SYNPR: variants seen among roughly 807,000 people sequenced by gnomAD.
SYNPR encodes synaptoporin.
SYNPR carries 23 observed loss-of-function variants against 32.9 expected under a neutral mutation model. That is an observed-to-expected ratio of 0.70 (90% CI 0.50 to 0.99). The LOEUF (loss-of-function observed/expected upper bound fraction) is 0.99. Among genes scored for constraint, SYNPR ranks in the 50% least tolerant of loss-of-function variants. The pLI is 0.00. For missense variants in SYNPR, 318 were observed against 349.3 expected, an observed-to-expected ratio of 0.91 and a Z score of 0.71; for synonymous variants, 146 against 135.9, an observed-to-expected ratio of 1.07 and a Z score of -0.52.
At chr3:63,438,660 C>A (rs77804929) in intron 2 of SYNPR, among the ~76,000 whole-genome samples, 2,485 of 152,304 alleles carry the variant, frequency 0.016, 59 homozygotes, top group African/African-American at 0.056. Flanking sequence ...CTAGAAAGTT[C>A]TGCTCTGATT....
intron 2 of SYNPR, among the ~76,000 whole-genome samples, chr3:63,317,411 G>A (rs932739947): frequency 3.3e-5 from 5 of 151,820 alleles, no homozygotes; most frequent in African/African-American, 7.3e-5. Flanking sequence ...AAAGTTGGGA[G>A]CTCCAGTGTT....
chr3:63,534,440 T>G (rs186709552), intron 3 of SYNPR, among the ~76,000 whole-genome samples: 16 of 152,288 alleles, frequency 1.1e-4, no homozygotes, highest in African/African-American at 3.8e-4. Flanking sequence ...AATTAACACA[T>G]AAAAGTCACA....
intron 2 of SYNPR, among the ~76,000 whole-genome samples, chr3:63,413,572 G>C (rs968996585): frequency 3.3e-5 from 5 of 152,152 alleles, no homozygotes; most frequent in Admixed American, 1.3e-4. Flanking sequence ...CAAAAATCAA[G>C]AAAAGACCCT....
intron 3 of SYNPR, among the ~76,000 whole-genome samples, chr3:63,494,450 C>CGTGT (rs1559516379): frequency 3.5e-5 from 3 of 86,804 alleles, no homozygotes; most frequent in African/African-American, 1.5e-4. Flanking sequence ...TATATATACA[C>CGTGT]ATATATATAC....
chr3:63,518,986 A>C (rs540440196), intron 3 of SYNPR, among the ~76,000 whole-genome samples: 1 of 152,216 alleles, frequency 6.6e-6, no homozygotes, highest in Admixed American at 6.5e-5. Flanking sequence ...GATGAATTTT[A>C]TCAAAAGCCT....
At chr3:63,437,597 GAA>G (rs1402991064) in intron 2 of SYNPR, among the ~76,000 whole-genome samples, 1 of 140,762 alleles carries the variant, frequency 7.1e-6, no homozygotes, top group African/African-American at 2.6e-5. Context: ...GAGAGAGAAA[GAA>G]AGAAGAAAGG....
chr3:63,264,819 G>C (rs961910183), intron 2 of SYNPR, among the ~76,000 whole-genome samples: 2 of 152,150 alleles, frequency 1.3e-5, no homozygotes, highest in African/African-American at 4.8e-5. Flanking sequence ...TGGAAGGACG[G>C]AGTGAGGGCA....
chr3:63,239,555 C>A (rs1321148407), intron 1 of SYNPR, among the ~76,000 whole-genome samples: 1 of 149,968 alleles, frequency 6.7e-6, no homozygotes, highest in Admixed American at 6.6e-5. Flanking sequence ...ACCATTGTCA[C>A]CAATCCTACC....
intron 2 of SYNPR, among the ~76,000 whole-genome samples, chr3:63,283,325 C>A (rs9826231): frequency 0.64 from 97,054 of 152,052 alleles, 31,484 homozygotes; most frequent in South Asian, 0.72. Context: ...TATAAAAGTC[C>A]AGCCTTGAGG....
At chr3:63,602,128 G>A (rs1268428987) in intron 4 of SYNPR, among the ~76,000 whole-genome samples, 2 of 151,954 alleles carry the variant, frequency 1.3e-5, no homozygotes, top group Non-Finnish European at 2.9e-5. Context: ...ATGCTTCTTG[G>A]CCATATGTAT....
rs563537635 is a variant in SYNPR at position 63,357,682 on chromosome 3, A to G, written c.84+78940A>G. 8.5e-5 allele frequency among the ~76,000 whole-genome samples: 13 copies of G among 152,256 alleles called. No individual in the cohort carries two copies. The South Asian group carries it at 2.1e-3, about 24-fold the overall frequency. Reference sequence around the variant, plus strand: ...TGAGACTCAGGAGATTTAACTATTAAGTGTGTACATGAATCACCTGTGGGC... The same window carrying G: ...TGAGACTCAGGAGATTTAACTATTAGGTGTGTACATGAATCACCTGTGGGC... On this transcript the variant is annotated intron_variant, in intron 2 of 5. Transcript: ENST00000478300.
At chr3:63,294,870 C>T (rs2086778276) in intron 2 of SYNPR, among the ~76,000 whole-genome samples, 2 of 152,006 alleles carry the variant, frequency 1.3e-5, no homozygotes, top group Admixed American at 6.6e-5. Flanking sequence ...TGAAATTGCA[C>T]TTCATGTATA....
chr3:63,386,793 C>A (rs2088052169), intron 2 of SYNPR, among the ~76,000 whole-genome samples: 1 of 152,176 alleles, frequency 6.6e-6, no homozygotes, highest in African/African-American at 2.4e-5. Context: ...AGGCACCTCG[C>A]AGAGCAAAGA....
At chr3:63,480,722 A>G (rs1414472292) in intron 2 of SYNPR, 110 bp from the exon 3 acceptor site, 2 of 1,394,474 alleles carry the variant, frequency 1.4e-6, no homozygotes, top group Non-Finnish European at 1.9e-6. Flanking sequence ...GCTCTTCTTC[A>G]GAAGGACCAT....
intron 3 of SYNPR, among the ~76,000 whole-genome samples, chr3:63,486,749 G>A (rs1292634454): frequency 6.6e-6 from 1 of 152,098 alleles, no homozygotes; most frequent in Non-Finnish European, 1.5e-5. Flanking sequence ...TTCAAAAACA[G>A]ACAAACAAAC....
chr3:63,287,115 C>T (rs1015249442), intron 2 of SYNPR, among the ~76,000 whole-genome samples: 2 of 152,102 alleles, frequency 1.3e-5, no homozygotes, highest in Non-Finnish European at 2.9e-5. Flanking sequence ...TGCTGCCAGT[C>T]GAATGTAATG....
intron 3 of SYNPR, among the ~76,000 whole-genome samples, chr3:63,546,376 T>C (rs1176826358): frequency 1.3e-5 from 2 of 152,006 alleles, no homozygotes; most frequent in Non-Finnish European, 2.9e-5. Context: ...ATCCAAACTG[T>C]AGGGAGGAGT....
At chr3:63,249,263 G>A (rs2086313347) in intron 1 of SYNPR, among the ~76,000 whole-genome samples, 1 of 152,096 alleles carries the variant, frequency 6.6e-6, no homozygotes, top group East Asian at 1.9e-4. Context: ...CTATCAGAGT[G>A]AAAGAAGTTT....
intron 3 of SYNPR, among the ~76,000 whole-genome samples, chr3:63,495,222 G>T (rs1701349897): frequency 6.6e-6 from 1 of 152,156 alleles, no homozygotes; most frequent in Non-Finnish European, 1.5e-5. Flanking sequence ...GACTGTTAAG[G>T]AGTCACACAA....
Sources: gnomAD v4.1 joint callset for allele counts (sites outside exome capture counted in the v4.1 genomes callset) on GRCh38, gnomAD v4.1.1 for gene constraint, MANE v1.5 for transcripts, NCBI Gene and HGNC (gene_info 2026-07-23, HGNC 2026-07-21) for gene names.